The following SCHIP1 variants were observed in gnomAD, a reference collection of about 807,000 sequenced individuals.
SCHIP1 encodes schwannomin-interacting protein 1.
A neutral mutation model predicts 29.7 loss-of-function variants in SCHIP1; 8 were observed. The observed-to-expected ratio is 0.27, with a 90% CI of 0.16 to 0.49. The LOEUF is 0.49. Among genes scored for constraint, SCHIP1 ranks in the 20% least tolerant of loss-of-function variants. The pLI is 0.99. For missense variants in SCHIP1, 193 were observed against 294.6 expected, an observed-to-expected ratio of 0.66 and a Z score of 2.52; for synonymous variants, 76 against 94.9, an observed-to-expected ratio of 0.80 and a Z score of 1.16.
chr3:159,354,618 CTGGA>C, the SCHIP1 span, among the ~76,000 whole-genome samples: 1 of 152,042 alleles, frequency 6.6e-6, no homozygotes. Context: ...GTGAAAATGG[CTGGA>C]TGGAGATTTA....
chr3:159,274,971 A>G, the SCHIP1 span: 16 of 983,110 alleles, frequency 1.6e-5, no homozygotes, highest in Non-Finnish European at 1.9e-5. Context: ...TCTTTCTGTT[A>G]TGGATAATTT....
chr3:159,473,674 G>GAA, the SCHIP1 span, among the ~76,000 whole-genome samples: 32 of 81,432 alleles, frequency 3.9e-4, no homozygotes, highest in African/African-American at 1.0e-3. Flanking sequence ...ATGTAACTAC[G>GAA]AAAAAAAAAA....
At chr3:159,648,734 C>T in the SCHIP1 span, among the ~76,000 whole-genome samples, 2 of 151,994 alleles carry the variant, frequency 1.3e-5, no homozygotes, top group African/African-American at 4.8e-5. Context: ...CAAGATTCTG[C>T]TAAAGGAACA....
chr3:159,874,982 C>CT lies in SCHIP1; in HGVS notation c.149+8709dup, dbSNP rs1009882909. Among the ~76,000 whole-genome samples the CT allele has an allele frequency of 1.7e-4, 22 of 130,886 alleles. No individual in the cohort carries two copies. In the South Asian group the frequency reaches 2.4e-3, roughly 15 times the overall value. 85.9% of individuals were successfully genotyped at this position (130,886 alleles called of 152,430 possible). A position where few individuals can be genotyped will look rare whatever the true frequency, so the allele number is the denominator to read the frequency against. On this transcript the variant is annotated intron_variant, in intron 2 of 6. Coordinates refer to ENST00000445224, the Ensembl canonical transcript of SCHIP1. ...TGCAAATGGTAGCTAATGATGACTT[C>CT]TTTTTTTTCACTATTTGAAAGGCCA... is the stretch of plus-strand genomic sequence containing the variant.
intron 2 of SCHIP1, among the ~76,000 whole-genome samples, chr3:159,885,429 C>T (rs981365775): frequency 3.3e-5 from 5 of 152,222 alleles, no homozygotes; most frequent in East Asian, 3.8e-4. Context: ...GCCTGGCCTG[C>T]GAGTGGCAGC....
At chr3:159,682,956 C>T in the SCHIP1 span, among the ~76,000 whole-genome samples, 8 of 152,124 alleles carry the variant, frequency 5.3e-5, no homozygotes, top group Admixed American at 2.6e-4. Flanking sequence ...GTTTGATCTT[C>T]GGACCACTTA....
chr3:159,623,562 G>A, the SCHIP1 span, among the ~76,000 whole-genome samples: 1 of 152,064 alleles, frequency 6.6e-6, no homozygotes, highest in Non-Finnish European at 1.5e-5. Context: ...GGAGGCAGAG[G>A]TTGCAGTGAG....
chr3:159,335,678 A>C, the SCHIP1 span, among the ~76,000 whole-genome samples: 882 of 152,170 alleles, frequency 5.8e-3, 38 homozygotes, highest in East Asian at 0.096. Flanking sequence ...TGAACTCATC[A>C]TTTTTTATGG....
At chr3:159,580,235 C>T in the SCHIP1 span, among the ~76,000 whole-genome samples, 1 of 152,174 alleles carries the variant, frequency 6.6e-6, no homozygotes, top group South Asian at 2.1e-4. Context: ...CCTGAGGGCT[C>T]TACCAGGATT....
At chr3:159,799,615 TAAG>T in the SCHIP1 span, among the ~76,000 whole-genome samples, 1 of 152,092 alleles carries the variant, frequency 6.6e-6, no homozygotes, top group Non-Finnish European at 1.5e-5. Flanking sequence ...AGTGTGATAA[TAAG>T]GGAATATGTG....
the SCHIP1 span, among the ~76,000 whole-genome samples, chr3:159,748,324 G>A: frequency 1.1e-4 from 17 of 152,146 alleles, no homozygotes; most frequent in Non-Finnish European, 2.2e-4. Context: ...ACTCTTCTAC[G>A]TTAGCAAGTG....
At chr3:159,440,563 C>A in the SCHIP1 span, among the ~76,000 whole-genome samples, 1 of 152,142 alleles carries the variant, frequency 6.6e-6, no homozygotes, top group Non-Finnish European at 1.5e-5. Context: ...AAAATTAGAA[C>A]TGGGGTTCAC....
At chr3:159,709,984 G>T in the SCHIP1 span, among the ~76,000 whole-genome samples, 10 of 152,200 alleles carry the variant, frequency 6.6e-5, no homozygotes, top group African/African-American at 2.4e-4. Context: ...CACACTATTG[G>T]TGGGAATGTA....
chr3:159,512,205 T>C, the SCHIP1 span, among the ~76,000 whole-genome samples: 1 of 151,618 alleles, frequency 6.6e-6, no homozygotes, highest in Admixed American at 6.6e-5. Context: ...AGAGGGGAAA[T>C]GACAAGAATA....
the SCHIP1 span, chr3:159,274,993 A>G: frequency 4.6e-5 from 45 of 982,954 alleles, no homozygotes; most frequent in East Asian, 4.5e-4. Flanking sequence ...CAAGTGAATT[A>G]CTGTTGCTTC....
the SCHIP1 span, among the ~76,000 whole-genome samples, chr3:159,740,283 C>G: frequency 6.6e-6 from 1 of 152,274 alleles, no homozygotes; most frequent in South Asian, 2.1e-4. Flanking sequence ...TGGCTGCAGG[C>G]CATACCCACA....
At chr3:159,735,798 G>A in the SCHIP1 span, among the ~76,000 whole-genome samples, 22 of 152,158 alleles carry the variant, frequency 1.4e-4, no homozygotes, top group East Asian at 9.6e-4. Flanking sequence ...TTAACTAAAC[G>A]AAGAGCAGGT....
chr3:159,478,864 A>G, the SCHIP1 span, among the ~76,000 whole-genome samples: 1 of 152,042 alleles, frequency 6.6e-6, no homozygotes, highest in Non-Finnish European at 1.5e-5. Flanking sequence ...TGGATCATTT[A>G]TTACTAGTAT....
chr3:159,613,039 A>G, the SCHIP1 span, among the ~76,000 whole-genome samples: 1 of 152,222 alleles, frequency 6.6e-6, no homozygotes, highest in African/African-American at 2.4e-5. Flanking sequence ...AAATAAACAC[A>G]GGCAACATGT....
Sources: gnomAD v4.1 joint callset for allele counts (sites outside exome capture counted in the v4.1 genomes callset) on GRCh38, gnomAD v4.1.1 for gene constraint, MANE v1.5 for transcripts, NCBI Gene and HGNC (gene_info 2026-07-23, HGNC 2026-07-21) for gene names.